Variants in ROBO1 observed in about 807,000 individuals in gnomAD.
ROBO1 encodes roundabout guidance receptor 1, also known as roundabout homolog 1.
ROBO1 carries 149 observed loss-of-function variants against 195.9 expected under a neutral mutation model. The ratio of observed to expected loss-of-function variants is 0.76; its 90% CI spans 0.67 to 0.87. ROBO1 has a LOEUF of 0.87. Among genes scored for constraint, ROBO1 ranks in the 40% least tolerant of loss-of-function variants. The pLI, the probability that ROBO1 is intolerant of heterozygous loss-of-function variation, is 0.00. For missense variants in ROBO1, 1,933 were observed against 2,068.3 expected, an observed-to-expected ratio of 0.93 and a Z score of 1.27; for synonymous variants, 816 against 733.2, an observed-to-expected ratio of 1.11 and a Z score of -1.82.
At chr3:79,096,950 T>G (rs2079581594) in intron 3 of ROBO1, among the ~76,000 whole-genome samples, 1 of 151,674 alleles carries the variant, frequency 6.6e-6, no homozygotes, top group Non-Finnish European at 1.5e-5. Context: ...GAATTTTGAC[T>G]GCTTACTTCC....
chr3:79,203,865 A>T (rs548532406), intron 2 of ROBO1, among the ~76,000 whole-genome samples: 1 of 152,008 alleles, frequency 6.6e-6, no homozygotes, highest in East Asian at 1.9e-4. Context: ...GAGTTTATTT[A>T]TTTTTTTCTT....
At chr3:79,347,851 T>C (rs1462304506) in intron 2 of ROBO1, among the ~76,000 whole-genome samples, 1 of 152,156 alleles carries the variant, frequency 6.6e-6, no homozygotes. Flanking sequence ...AACAGGCTCA[T>C]TTTGAACAAA....
chr3:78,850,048 G>T (rs1302993472), intron 4 of ROBO1, among the ~76,000 whole-genome samples: 2 of 152,086 alleles, frequency 1.3e-5, no homozygotes, highest in African/African-American at 4.8e-5. Flanking sequence ...ACAGTAACAT[G>T]CTGTACAGGT....
intron 3 of ROBO1, among the ~76,000 whole-genome samples, chr3:79,095,759 AC>A (rs2079555567): frequency 6.6e-6 from 1 of 152,040 alleles, no homozygotes; most frequent in Non-Finnish European, 1.5e-5. Context: ...TCTGTCTTGC[AC>A]AAACACTGTA....
intron 2 of ROBO1, among the ~76,000 whole-genome samples, chr3:79,308,926 G>A (rs2033349274): frequency 1.3e-5 from 2 of 152,108 alleles, no homozygotes; most frequent in African/African-American, 2.4e-5. Context: ...TTATCTGTTT[G>A]TACTACATTT....
intron 4 of ROBO1, among the ~76,000 whole-genome samples, chr3:78,874,141 A>G (rs2107179706): frequency 6.6e-6 from 1 of 152,146 alleles, no homozygotes; most frequent in African/African-American, 2.4e-5. Context: ...GTATTAAAAT[A>G]TACTCAATCA....
At chr3:79,196,725 T>A (rs977974190) in intron 2 of ROBO1, among the ~76,000 whole-genome samples, 1 of 151,794 alleles carries the variant, frequency 6.6e-6, no homozygotes, top group Non-Finnish European at 1.5e-5. Flanking sequence ...TCCGTGGTTT[T>A]AAATCCAACA....
rs770221792 is a variant in ROBO1 at position 78,647,673 on chromosome 3, A to T, written c.2813-18T>A. ...AGACGGGACTGAAAAATCAAAACAAAATATAAACCAGTTATTAAGCTGAAG... is the reference window on the plus strand; with the variant it reads ...AGACGGGACTGAAAAATCAAAACAATATATAAACCAGTTATTAAGCTGAAG... On this transcript the variant is annotated intron_variant, in intron 19 of 30. Coordinates refer to ENST00000464233, the MANE Select transcript of ROBO1 (RefSeq NM_002941.4). The T allele has an allele frequency of 1.2e-6, 2 of 1,605,642 alleles. No individual in the cohort carries two copies. Among genetic ancestry groups the T allele is most frequent in the South Asian group, 2.2e-5 (2 of 90,870 alleles).
chr3:79,719,933 T>C (rs536199275), intron 1 of ROBO1, among the ~76,000 whole-genome samples: 21 of 152,296 alleles, frequency 1.4e-4, no homozygotes, highest in Admixed American at 9.2e-4. Context: ...AGAGCATAGA[T>C]CCTTTTGGTA....
At chr3:79,321,805 G>T (rs914317679) in intron 2 of ROBO1, among the ~76,000 whole-genome samples, 1 of 152,148 alleles carries the variant, frequency 6.6e-6, no homozygotes, top group East Asian at 1.9e-4. Context: ...AAATGCATGG[G>T]TCCATGTCCG....
chr3:79,192,020 C>T (rs1219372460), intron 2 of ROBO1, among the ~76,000 whole-genome samples: 2 of 151,320 alleles, frequency 1.3e-5, no homozygotes, highest in Non-Finnish European at 3.0e-5. Context: ...ATATCTGTAC[C>T]AGGAGAATAT....
chr3:78,938,616 A>G lies in ROBO1; in HGVS notation c.484T>C (p.Ser162Pro). The stretch of plus-strand genomic sequence containing the variant: ...GTTTACTTACTGGCTACTTCCAGCG[A>G]TGCATTGTGGCTCACAGCCTCTCCA... ...YLGEAVSHNA[S>P]LEVAILRDDF... Residue 162 changes from serine (S) to proline (P), a missense_variant, in exon 4 of 31, where the codon TCG (serine) becomes CCG (proline). Ser to Pro is a moderately conservative substitution (Grantham distance 74). This residue lies in a region of ROBO1 where 1,737 missense variants were observed against 1,882.5 expected (regional missense o/e 0.92). Transcript: ENST00000464233. 6.2e-7 allele frequency: 1 copy of G among 1,610,064 alleles called. No homozygotes were observed. Among genetic ancestry groups the G allele is most frequent in the Non-Finnish European group, 8.5e-7 (1 of 1,176,742 alleles).
At chr3:78,982,126 G>T (rs951934972) in intron 3 of ROBO1, among the ~76,000 whole-genome samples, 5 of 151,952 alleles carry the variant, frequency 3.3e-5, no homozygotes, top group Admixed American at 3.3e-4. Context: ...ATCACCTCCC[G>T]CAAGAGCTCT....
At chr3:79,350,580 A>G (rs1577009226) in intron 2 of ROBO1, among the ~76,000 whole-genome samples, 2 of 152,314 alleles carry the variant, frequency 1.3e-5, no homozygotes, top group African/African-American at 4.8e-5. Context: ...AAAATGTGGT[A>G]TATCTTTATA....
intron 2 of ROBO1, among the ~76,000 whole-genome samples, chr3:79,156,507 C>T (rs1340103022): frequency 4.6e-5 from 7 of 151,544 alleles, no homozygotes; most frequent in Admixed American, 2.0e-4. Flanking sequence ...CAAAGGAAAA[C>T]GATTCGTTTT....
intron 2 of ROBO1, among the ~76,000 whole-genome samples, chr3:79,513,816 A>G (rs1270471563): frequency 8.5e-5 from 13 of 152,230 alleles, no homozygotes; most frequent in Non-Finnish European, 1.6e-4. Flanking sequence ...TGCTTAATCT[A>G]TATGAAACTT....
intron 1 of ROBO1, among the ~76,000 whole-genome samples, chr3:79,705,431 T>A (rs1947740700): frequency 6.6e-6 from 1 of 152,090 alleles, no homozygotes; most frequent in African/African-American, 2.4e-5. Flanking sequence ...TTTAAAAGAT[T>A]GTCTTTTCTC....
chr3:79,273,839 C>T (rs2030786355), intron 2 of ROBO1, among the ~76,000 whole-genome samples: 1 of 151,876 alleles, frequency 6.6e-6, no homozygotes, highest in South Asian at 2.1e-4. Flanking sequence ...AATAGCTATA[C>T]TTGTATCAGA....
intron 2 of ROBO1, among the ~76,000 whole-genome samples, chr3:79,331,266 A>G (rs1163335610): frequency 6.6e-6 from 1 of 152,218 alleles, no homozygotes; most frequent in African/African-American, 2.4e-5. Context: ...TCACCATTAA[A>G]AAACCCAATT....
Sources: allele counts gnomAD v4.1 joint callset (sites outside exome capture counted in the v4.1 genomes callset), GRCh38; gene constraint gnomAD v4.1.1; regional missense constraint gnomAD v4.1.1; transcripts MANE v1.5; gene names NCBI Gene and HGNC (gene_info 2026-07-23, HGNC 2026-07-21).